Variants in SSH2 observed in about 807,000 individuals in gnomAD.
The protein encoded by SSH2 is protein phosphatase Slingshot homolog 2.
In SSH2, 37 loss-of-function variants were observed where a neutral mutation model predicts 135.2. The ratio of observed to expected loss-of-function variants is 0.27; its 90% CI spans 0.21 to 0.36. The LOEUF is 0.36. Among genes scored for constraint, SSH2 ranks in the 10% least tolerant of loss-of-function variants. The pLI is 1.00. For missense variants in SSH2, 1,408 were observed against 1,765.3 expected, an observed-to-expected ratio of 0.80 and a Z score of 3.63; for synonymous variants, 628 against 646.2, an observed-to-expected ratio of 0.97 and a Z score of 0.43.
chr17:29,831,079 C>T (rs2042836571), intron 2 of SSH2, among the ~76,000 whole-genome samples: 1 of 152,164 alleles, frequency 6.6e-6, no homozygotes. Flanking sequence ...CAGGATAAGC[C>T]ATAAATTCTG....
chr17:29,800,531 A>G (rs766545644), intron 2 of SSH2, among the ~76,000 whole-genome samples: 5 of 152,204 alleles, frequency 3.3e-5, no homozygotes, highest in Non-Finnish European at 7.4e-5. Context: ...TCTTCAAAAC[A>G]TTGGAAATTA....
chr17:29,669,600 A>T (rs1024931857), intron 9 of SSH2, among the ~76,000 whole-genome samples: 3 of 152,194 alleles, frequency 2.0e-5, no homozygotes, highest in African/African-American at 7.2e-5. Flanking sequence ...TATAAAGTAA[A>T]TAAAAACCAC....
At chr17:29,759,549 GTTCTC>G (rs930806062) in intron 3 of SSH2, among the ~76,000 whole-genome samples, 1 of 151,980 alleles carries the variant, frequency 6.6e-6, no homozygotes, top group African/African-American at 2.4e-5. Context: ...ATGAAACTTT[GTTCTC>G]TTCAAATACA....
At chr17:29,883,044 A>G (rs1488503309) in intron 1 of SSH2, 2 of 152,040 alleles carry the variant, frequency 1.3e-5, no homozygotes, top group African/African-American at 4.8e-5. Flanking sequence ...CTGGGTTTTC[A>G]TGCTTTTGTG....
intron 1 of SSH2, among the ~76,000 whole-genome samples, chr17:29,919,907 T>G (rs1325856277): frequency 6.6e-6 from 1 of 152,044 alleles, no homozygotes; most frequent in African/African-American, 2.4e-5. Context: ...AGGAGTGATT[T>G]ATTTATTTAT....
chr17:29,663,315 T>C (rs960076056), intron 11 of SSH2, among the ~76,000 whole-genome samples: 1 of 152,232 alleles, frequency 6.6e-6, no homozygotes, highest in African/African-American at 2.4e-5. Context: ...CAAGATGAGA[T>C]GACTCTGCAG....
At chr17:29,674,114 CA>C (rs2037608891) in intron 8 of SSH2, 1 of 456,590 alleles carries the variant, frequency 2.2e-6, no homozygotes, top group African/African-American at 2.0e-5. Context: ...TTCATTCTTC[CA>C]CCAATAGTAC....
intron 3 of SSH2, among the ~76,000 whole-genome samples, chr17:29,744,287 G>A (rs2040678683): frequency 6.6e-6 from 1 of 152,140 alleles, no homozygotes; most frequent in South Asian, 2.1e-4. Context: ...GGTGGGAGCG[G>A]CTGAGTCCTG....
At chr17:29,799,391 T>C (rs1435381523) in intron 2 of SSH2, among the ~76,000 whole-genome samples, 2 of 152,230 alleles carry the variant, frequency 1.3e-5, no homozygotes, top group African/African-American at 4.8e-5. Flanking sequence ...ATTTATACTC[T>C]CACCAGAAAG....
intron 3 of SSH2, among the ~76,000 whole-genome samples, chr17:29,750,187 C>T (rs189845438): frequency 9.3e-5 from 14 of 151,316 alleles, no homozygotes; most frequent in African/African-American, 3.4e-4. Context: ...CCTGTAATCC[C>T]AGCACTTTGG....
intron 3 of SSH2, among the ~76,000 whole-genome samples, chr17:29,767,376 C>T (rs929506287): frequency 6.9e-6 from 1 of 145,086 alleles, no homozygotes; most frequent in South Asian, 2.2e-4. Context: ...TTTCTTTTTT[C>T]TTTTTTTTTT....
chr17:29,818,193 A>T (rs894030602), intron 2 of SSH2, among the ~76,000 whole-genome samples: 7 of 151,156 alleles, frequency 4.6e-5, no homozygotes, highest in Non-Finnish European at 1.0e-4. Flanking sequence ...GCTATTTTTT[A>T]AATTTTCTGA....
intron 1 of SSH2, among the ~76,000 whole-genome samples, chr17:29,924,251 A>G (rs1328699899): frequency 6.6e-6 from 1 of 152,174 alleles, no homozygotes; most frequent in Non-Finnish European, 1.5e-5. Context: ...TCAATTTTGT[A>G]TTTGCCTTGG....
intron 13 of SSH2, among the ~76,000 whole-genome samples, chr17:29,650,025 G>A (rs759013050): frequency 5.9e-5 from 9 of 152,182 alleles, no homozygotes; most frequent in Non-Finnish European, 7.3e-5. Context: ...AAACAAGCTC[G>A]TTTATGGTTC....
chr17:29,740,425 TTTTTC>T (rs1455786859), intron 3 of SSH2, among the ~76,000 whole-genome samples: 3 of 147,334 alleles, frequency 2.0e-5, no homozygotes, highest in East Asian at 2.0e-4. Flanking sequence ...CTGTCTATTC[TTTTTC>T]TTTTATTTTA....
intron 1 of SSH2, among the ~76,000 whole-genome samples, chr17:29,899,019 C>G (rs929514963): frequency 6.6e-6 from 1 of 151,896 alleles, no homozygotes; most frequent in African/African-American, 2.4e-5. Flanking sequence ...ACAGAACCAA[C>G]GACAAAAACC....
chr17:29,903,682 C>T (rs1294565495), intron 1 of SSH2, among the ~76,000 whole-genome samples: 9 of 152,240 alleles, frequency 5.9e-5, no homozygotes, highest in Middle Eastern at 3.4e-3. Context: ...CTGATTATTT[C>T]GCTCTTTTTC....
chr17:29,631,783 G>C lies in SSH2; in HGVS notation c.3411C>G (p.Ala1137=). ...TGACAAAAGGTGCTGCTGTCTCCAG[G>C]GCTGTGGACAGGCTGCTGCCTCTGT... The part of the protein sequence containing the change: ...PEDRGSSLST[A]LETAAPFVSH... Residue 1137 remains alanine, a synonymous_variant, in exon 16 of 16, where the codon GCC becomes GCG. Transcript: ENST00000540801. The C allele has an allele frequency of 6.2e-7, 1 of 1,614,198 alleles. No homozygotes were observed. Among genetic ancestry groups the C allele is most frequent in the Non-Finnish European group, 8.5e-7 (1 of 1,180,036 alleles).
At chr17:29,831,986 T>C (rs1327580711) in intron 2 of SSH2, among the ~76,000 whole-genome samples, 3 of 152,242 alleles carry the variant, frequency 2.0e-5, no homozygotes, top group African/African-American at 7.2e-5. Context: ...TAAGTTTTGC[T>C]CATTTTTCAA....
Sources: allele counts gnomAD v4.1 joint callset (sites outside exome capture counted in the v4.1 genomes callset), GRCh38; gene constraint gnomAD v4.1.1; transcripts MANE v1.5; gene names NCBI Gene and HGNC (gene_info 2026-07-23, HGNC 2026-07-21).